MYH8: variants seen among roughly 807,000 people sequenced by gnomAD.
MYH8 encodes myosin heavy chain 8.
MYH8 carries 168 observed loss-of-function variants against 233.2 expected under a neutral mutation model. That is an observed-to-expected ratio of 0.72 (90% CI 0.64 to 0.82). MYH8 has a LOEUF of 0.82. Ranked by LOEUF, MYH8 falls within the 40% of genes least tolerant of loss-of-function variation. The pLI is 0.00. For synonymous variants in MYH8, 785 were observed against 850.6 expected, an observed-to-expected ratio of 0.92 and a Z score of 1.34; for missense variants, 1,995 against 2,327.8, an observed-to-expected ratio of 0.86 and a Z score of 2.94.
chr17:10,420,215 A>T lies in MYH8; in HGVS notation c.13T>A (p.Ser5Thr), dbSNP rs765461353. The change falls in exon 3 of 40, where the codon TCA (serine) becomes ACA (threonine). Residue 5 changes from serine (S) to threonine (T), a missense_variant. This residue lies in a region of MYH8 where 479 missense variants were observed against 600.9 expected (regional missense o/e 0.80). Transcript: ENST00000403437. Reference protein sequence around the residue: MSASSDAEMAVFGEA... With the variant: MSASTDAEMAVFGEA... ...CCAAAAACAGCCATCTCAGCGTCTG[A>T]GCTCGCACTCATGGCTGCGATTTAT... The T allele has an allele frequency of 1.9e-6, 3 of 1,613,244 alleles. No individual in the cohort carries two copies. In the South Asian group the frequency reaches 3.3e-5, roughly 18 times the overall value.
In MYH8 at chr17:10,390,395, C is replaced by T. The variant is rs2142164889; in HGVS notation, c.*59G>A. The stretch of plus-strand genomic sequence containing the variant: ...AAAATAAACGTCATAAAGCAAGTGA[C>T]CAAAAATAGCACATTTTGTGCCTTT... On this transcript the variant is annotated 3_prime_UTR_variant, in exon 40 of 40. Transcript: ENST00000403437. The T allele has an allele frequency of 1.2e-6, 2 of 1,605,554 alleles. No individual in the cohort carries two copies. Among genetic ancestry groups the T allele is most frequent in the East Asian group, 2.2e-5 (1 of 44,824 alleles).
At chr17:10,412,829 G>T in intron 12 of MYH8, 101 bp from the exon 13 acceptor site, 1 of 1,170,066 alleles carries the variant, frequency 8.5e-7, no homozygotes, top group Non-Finnish European at 1.3e-6. Flanking sequence ...TAAATAAAAA[G>T]CTTAAATAAT....
At chr17:10,413,782 A>T in intron 12 of MYH8, 120 bp downstream of exon 12, 1 of 1,397,628 alleles carries the variant, frequency 7.2e-7, no homozygotes, top group South Asian at 1.2e-5. Context: ...CAGTGTGTGT[A>T]AATGTGTATA....
intron 15 of MYH8, among the ~76,000 whole-genome samples, chr17:10,410,275 C>T (rs999789949): frequency 5.3e-5 from 8 of 152,078 alleles, no homozygotes; most frequent in Non-Finnish European, 1.0e-4. Context: ...TGCACTTCAG[C>T]CTGGGCGACA....
chr17:10,414,133 A>G (rs897910763), intron 11 of MYH8, 59 bp downstream of exon 11: 2 of 1,607,338 alleles, frequency 1.2e-6, no homozygotes, highest in Non-Finnish European at 1.7e-6. Context: ...CACCTACAGT[A>G]GTTTGCTATT....
chr17:10,396,737 T>A lies in MYH8; in HGVS notation c.4363-19A>T. On this transcript the variant is annotated intron_variant, in intron 31 of 39. Transcript: ENST00000403437. The surrounding 1 kb of genome is among the most constrained non-coding windows in gnomAD (Gnocchi z 4.2). Reference sequence around the variant, plus strand: ...ATAGGACCTGAAAAGCAATAAATCATGAGTTGATCCAAGGAGAAAGGAAGA... The same window carrying A: ...ATAGGACCTGAAAAGCAATAAATCAAGAGTTGATCCAAGGAGAAAGGAAGA... The A allele has an allele frequency of 6.2e-7, 1 of 1,614,008 alleles. No individual in the cohort carries two copies. The highest frequency in any genetic ancestry group is 8.5e-7 in the Non-Finnish European group (1 of 1,179,908).
chr17:10,411,312 GT>G (rs2072242578), intron 14 of MYH8, among the ~76,000 whole-genome samples: 1 of 151,814 alleles, frequency 6.6e-6, no homozygotes, highest in Non-Finnish European at 1.5e-5. Context: ...GGAGGTGGAG[GT>G]TGCAGTGAGC....
rs1347679849 is a variant in MYH8 at position 10,419,983 on chromosome 17, A to G, written c.210+35T>C. On this transcript the variant is annotated intron_variant, in intron 3 of 39. Transcript: ENST00000403437. This position sits in a 1 kb window ranked among gnomAD's most constrained non-coding sequence, Gnocchi z 4.0. Reference sequence around the variant, plus strand: ...GGCTTCAACTTTTGAACCAAGAAATAAAATGGGGAGTATTTTCTCCCTGTT... The same window carrying G: ...GGCTTCAACTTTTGAACCAAGAAATGAAATGGGGAGTATTTTCTCCCTGTT... The G allele has an allele frequency of 6.2e-7, 1 of 1,603,346 alleles. No homozygotes were observed. The highest frequency in any genetic ancestry group is 1.1e-5 in the South Asian group (1 of 90,838).
In MYH8 at chr17:10,406,781, G is replaced by A. The variant is rs1425096175; in HGVS notation, c.2080C>T (p.His694Tyr). ...AGCACACCATTACACCTCAGCTGGTGCAACACAAGTTCATGTTCCATTGCC... is the reference window on the plus strand; with the variant it reads ...AGCACACCATTACACCTCAGCTGGTACAACACAAGTTCATGTTCCATTGCC... ...PGAMEHELVL[H>Y]QLRCNGVLEG... Residue 694 changes from histidine (H) to tyrosine (Y), a missense_variant, in exon 19 of 40, where the codon CAC becomes TAC. By Grantham distance (83) the His-to-Tyr change is moderately conservative (BLOSUM62 2). This residue lies in a region of MYH8 where 1,498 missense variants were observed against 1,680.9 expected (regional missense o/e 0.89). Transcript: ENST00000403437. 2 of 1,614,120 alleles carry A rather than the reference G, an allele frequency of 1.2e-6. No individual in the cohort carries two copies. Among genetic ancestry groups the A allele is most frequent in the East Asian group, 2.2e-5 (1 of 44,866 alleles).
At chr17:10,412,298 T>C in intron 14 of MYH8, 72 bp downstream of exon 14, 26 of 1,613,838 alleles carry the variant, frequency 1.6e-5, no homozygotes, top group Non-Finnish European at 2.1e-5. Context: ...TAAATGTGGA[T>C]GAATAATGAT....
In MYH8 at chr17:10,400,682, T is replaced by A; in HGVS notation, c.3443A>T (p.Glu1148Val). ...GGCTTCTTCCAGCCTCTCGCTGATC[T>A]CCTCCAGTTCCCGGGAGAGGTCAGA... ...QRSDLSRELE[E>V]ISERLEEAGG... The change falls in exon 27 of 40, where the codon GAG becomes GTG. Residue 1148 changes from glutamate to valine, a missense_variant. Glu to Val is a moderately radical substitution (Grantham distance 121). Transcript: ENST00000403437. This position sits in a 1 kb window ranked among gnomAD's most constrained non-coding sequence, Gnocchi z 4.0. 6.2e-7 allele frequency: 1 copy of A among 1,614,174 alleles called. No individual in the cohort carries two copies. Among genetic ancestry groups the A allele is most frequent in the Non-Finnish European group, 8.5e-7 (1 of 1,180,042 alleles).
intron 35 of MYH8, among the ~76,000 whole-genome samples, chr17:10,393,572 T>A (rs769883067): frequency 9.2e-5 from 14 of 152,232 alleles, no homozygotes; most frequent in Non-Finnish European, 1.8e-4. Flanking sequence ...ACTGAGAGTT[T>A]CTTGCTTTGA....
Position 10,392,556 on chromosome 17 carries a change from C to A in MYH8, c.5554G>T (p.Glu1852Ter), listed in dbSNP as rs2072035733. ...ATTCCCTTTACCTGGTAGGTGAGTTCTTTTACTCGTCGCTCATGTTTCCGT... is the reference window on the plus strand; with the variant it reads ...ATTCCCTTTACCTGGTAGGTGAGTTATTTTACTCGTCGCTCATGTTTCCGT... ...GLRKHERRVK[E>*]LTYQTEEDRK... The change falls in exon 38 of 40, where the codon GAA becomes TAA. Residue 1852 changes from glutamate to a stop codon, truncating the protein, a stop_gained. Transcript: ENST00000403437. LOFTEE classifies it high-confidence loss of function. The A allele has an allele frequency of 1.2e-6, 2 of 1,613,962 alleles. No individual in the cohort carries two copies. The highest frequency in any genetic ancestry group is 1.3e-5 in the African/African-American group (1 of 74,908).
Position 10,406,089 on chromosome 17 carries a change from C to G in MYH8, c.2384G>C (p.Cys795Ser). ...TTCTACCCTCATTAGGAATCCCCTA[C>G]AGACAGCTTGTGTTCTTGTTATAAT... Reference protein sequence around the residue: ...AQIITRTQAVCRGFLMRVEYQ... With the variant: ...AQIITRTQAVSRGFLMRVEYQ... Residue 795 changes from cysteine (C) to serine (S), a missense_variant, in exon 21 of 40, where the codon TGT (cysteine) becomes TCT (serine). Around this residue, in one of 3 missense-constraint regions of MYH8, gnomAD observed 1,498 missense variants for 1,680.9 expected, o/e 0.89. Transcript: ENST00000403437. 1 of 1,614,076 alleles carries G rather than the reference C, an allele frequency of 6.2e-7. No homozygotes were observed. Among genetic ancestry groups the G allele is most frequent in the Non-Finnish European group, 8.5e-7 (1 of 1,179,996 alleles).
At chr17:10,414,797 T>G (rs2072274989) in intron 9 of MYH8, among the ~76,000 whole-genome samples, 1 of 152,184 alleles carries the variant, frequency 6.6e-6, no homozygotes, top group East Asian at 1.9e-4. Flanking sequence ...CTTGGAAACA[T>G]CTACCAAAAC....
At position 10,418,649 on chromosome 17, in the gene MYH8, C is replaced by G; in HGVS notation, c.507G>C (p.Leu169Phe). ...ATAGATGCCTCACTCACTCACCAGTCAACATGAACTGATAGGCATTGTCAG... is the reference window on the plus strand; with the variant it reads ...ATAGATGCCTCACTCACTCACCAGTGAACATGAACTGATAGGCATTGTCAG... ...SISDNAYQFMLTDRENQSILI... is the reference protein window; with the variant it reads ...SISDNAYQFMFTDRENQSILI... The change falls in exon 5 of 40, where the codon TTG (leucine) becomes TTC (phenylalanine). Residue 169 changes from leucine to phenylalanine, a missense_variant. By Grantham distance (22) the Leu-to-Phe change is conservative. This residue lies in a region of MYH8 where 479 missense variants were observed against 600.9 expected (regional missense o/e 0.80). Coordinates refer to ENST00000403437, the MANE Select transcript of MYH8 (RefSeq NM_002472.3). 1 of 1,613,944 alleles carries G rather than the reference C, an allele frequency of 6.2e-7. No individual in the cohort carries two copies. The highest frequency in any genetic ancestry group is 8.5e-7 in the Non-Finnish European group (1 of 1,179,872).
chr17:10,398,837 A>T lies in MYH8; in HGVS notation c.3912T>A (p.Leu1304=), dbSNP rs1252487505. 1.9e-6 allele frequency: 3 copies of T among 1,613,690 alleles called. No individual in the cohort carries two copies. In the African/African-American group the frequency reaches 4.0e-5, roughly 22 times the overall value. ...GAGTAGATGCTTGCTTGCTCCTTGA[A>T]AGCTGAGAGACTAAAGCATCTTTCT... The part of the protein sequence containing the change: ...LDEKDALVSQ[L]SRSKQASTQQ... Residue 1304 remains leucine (L), a synonymous_variant, in exon 29 of 40, where the codon CTT becomes CTA. Transcript: ENST00000403437.
rs1272910869 is a variant in MYH8 at position 10,398,507 on chromosome 17, G to A, written c.4115C>T (p.Ala1372Val). ...RALSKANSEV[A>V]QWRTKYETDA... Reference sequence around the variant, plus strand: ...CGTCTCGTATTTGGTTCTCCACTGGGCAACCTCACTGTTGGCCTTGGACAG... The same window carrying A: ...CGTCTCGTATTTGGTTCTCCACTGGACAACCTCACTGTTGGCCTTGGACAG... Residue 1372 changes from alanine to valine, a missense_variant, in exon 30 of 40, where the codon GCC becomes GTC. By Grantham distance (64) the Ala-to-Val change is moderately conservative (BLOSUM62 0). Around this residue, in one of 3 missense-constraint regions of MYH8, gnomAD observed 1,498 missense variants for 1,680.9 expected, o/e 0.89. Transcript: ENST00000403437. The A allele has an allele frequency of 3.1e-6, 5 of 1,613,910 alleles. No individual in the cohort carries two copies. The highest frequency in any genetic ancestry group is 1.7e-5 in the Admixed American group (1 of 59,996).
At chr17:10,398,956 ATGTG>A in intron 28 of MYH8, 70 bp from the exon 29 acceptor site, 1 of 859,374 alleles carries the variant, frequency 1.2e-6, no homozygotes, top group Non-Finnish European at 1.9e-6. Context: ...ACATTTATAT[ATGTG>A]TGTGTGTATA....
Sources: allele counts gnomAD v4.1 joint callset (sites outside exome capture counted in the v4.1 genomes callset), GRCh38; gene constraint gnomAD v4.1.1; regional missense constraint gnomAD v4.1.1; non-coding constraint Gnocchi (gnomAD v3.1); transcripts MANE v1.5; gene names NCBI Gene and HGNC (gene_info 2026-07-23, HGNC 2026-07-21).